Variants in RNF217 observed in about 807,000 individuals in gnomAD.
RNF217 encodes the protein ring finger protein 217, also known as E3 ubiquitin-protein ligase RNF217.
Under a neutral mutation model 57.8 loss-of-function variants are expected in RNF217, and 31 were observed. The observed-to-expected ratio is 0.54, with a 90% CI of 0.40 to 0.72. RNF217 has a LOEUF of 0.72. Ranked by LOEUF, RNF217 falls within the 30% of genes least tolerant of loss-of-function variation. The pLI, the probability that RNF217 is intolerant of heterozygous loss-of-function variation, is 0.00. For synonymous variants in RNF217, 313 were observed against 294.0 expected, an observed-to-expected ratio of 1.06 and a Z score of -0.66; for missense variants, 696 against 708.3, an observed-to-expected ratio of 0.98 and a Z score of 0.20.
rs771377311 is a variant in RNF217, at chr6:124,962,716, G to A, written c.172G>A (p.Asp58Asn). Reference protein sequence around the residue: ...AEPSGGGCGSDWGCADTSAPE... With the variant: ...AEPSGGGCGSNWGCADTSAPE... ...GCCGAGCGGCGGTGGCTGCGGAAGCGACTGGGGCTGCGCGGACACCAGCGC... is the reference window on the plus strand; with the variant it reads ...GCCGAGCGGCGGTGGCTGCGGAAGCAACTGGGGCTGCGCGGACACCAGCGC... The change falls in exon 1 of 6, where the codon GAC (aspartate) becomes AAC (asparagine). Residue 58 changes from aspartate to asparagine, a missense_variant. Coordinates refer to ENST00000521654, the MANE Select transcript of RNF217 (RefSeq NM_001286398.3). This position sits in a 1 kb window ranked among gnomAD's most constrained non-coding sequence, Gnocchi z 4.6. 6.6e-7 allele frequency: 1 copy of A among 1,509,006 alleles called. No individual in the cohort carries two copies. 93.5% of individuals were successfully genotyped at this position (1,509,006 alleles called of 1,614,324 possible).
intron 1 of RNF217, among the ~76,000 whole-genome samples, chr6:125,020,061 G>A (rs904312811): frequency 1.3e-5 from 2 of 152,148 alleles, no homozygotes; most frequent in Admixed American, 1.3e-4. Context: ...ATGCAGTGCT[G>A]CTGGCGTGAG....
intron 1 of RNF217, among the ~76,000 whole-genome samples, chr6:125,020,997 A>T (rs992159649): frequency 6.6e-6 from 1 of 152,190 alleles, no homozygotes; most frequent in Non-Finnish European, 1.5e-5. Context: ...ATGGAACGTA[A>T]ATAAACATGG....
intron 3 of RNF217, among the ~76,000 whole-genome samples, chr6:125,062,346 A>G (rs1330651384): frequency 1.3e-5 from 2 of 152,118 alleles, no homozygotes; most frequent in Admixed American, 6.6e-5. Flanking sequence ...AGAAATCAAA[A>G]TTTTTATTTA....
At chr6:125,009,798 C>G (rs1284188149) in intron 1 of RNF217, among the ~76,000 whole-genome samples, 2 of 152,122 alleles carry the variant, frequency 1.3e-5, no homozygotes, top group African/African-American at 4.8e-5. Flanking sequence ...TCAGCAAAAA[C>G]TATTTATATC....
At chr6:125,014,270 T>C (rs1785524578) in intron 1 of RNF217, among the ~76,000 whole-genome samples, 2 of 152,194 alleles carry the variant, frequency 1.3e-5, no homozygotes, top group Non-Finnish European at 2.9e-5. Context: ...GAAATAGTGA[T>C]AGCAATCACT....
intron 2 of RNF217, among the ~76,000 whole-genome samples, chr6:125,054,408 C>T (rs1787445990): frequency 6.6e-6 from 1 of 152,162 alleles, no homozygotes; most frequent in Admixed American, 6.5e-5. Flanking sequence ...GAATCAGACA[C>T]AAGCTCTGGT....
intron 2 of RNF217, among the ~76,000 whole-genome samples, chr6:125,053,827 T>C (rs1787418450): frequency 6.6e-6 from 1 of 152,158 alleles, no homozygotes; most frequent in Non-Finnish European, 1.5e-5. Flanking sequence ...TTAGCTCTGA[T>C]AACTTTATTC....
At chr6:125,014,869 G>A (rs1337569515) in intron 1 of RNF217, among the ~76,000 whole-genome samples, 1 of 152,070 alleles carries the variant, frequency 6.6e-6, no homozygotes, top group East Asian at 1.9e-4. Flanking sequence ...TCATGCATGT[G>A]CTTGACTGAA....
chr6:124,995,643 C>T (rs895021797), intron 1 of RNF217, among the ~76,000 whole-genome samples: 4 of 152,014 alleles, frequency 2.6e-5, no homozygotes, highest in African/African-American at 9.7e-5. Context: ...ATTTGGAGGG[C>T]GGGTGCTGTG....
chr6:124,965,908 T>C (rs1783520331), intron 1 of RNF217, among the ~76,000 whole-genome samples: 1 of 152,256 alleles, frequency 6.6e-6, no homozygotes, highest in African/African-American at 2.4e-5. Flanking sequence ...ACATTATTTG[T>C]ACAGGTCTGT....
At chr6:125,031,221 A>G (rs1786344222) in intron 1 of RNF217, among the ~76,000 whole-genome samples, 1 of 152,206 alleles carries the variant, frequency 6.6e-6, no homozygotes, top group African/African-American at 2.4e-5. Flanking sequence ...CAGCGCCTCC[A>G]GGCCTGTGAT....
At chr6:124,971,165 C>A (rs1051949535) in intron 1 of RNF217, 1 of 152,288 alleles carries the variant, frequency 6.6e-6, no homozygotes, top group Non-Finnish European at 1.5e-5. Context: ...ATGTTTGGCT[C>A]TAAAACCTAT....
At chr6:125,066,681 A>G (rs182820339) in intron 3 of RNF217, among the ~76,000 whole-genome samples, 217 of 152,224 alleles carry the variant, frequency 1.4e-3, no homozygotes, top group African/African-American at 5.1e-3. Context: ...TCTCCATGGT[A>G]TTATATTACT....
chr6:125,046,733 C>A (rs926942093), intron 2 of RNF217: 1 of 453,754 alleles, frequency 2.2e-6, no homozygotes, highest in Non-Finnish European at 4.4e-6. Context: ...TTGAGGGGAC[C>A]ATGGTTTAGC....
intron 1 of RNF217, among the ~76,000 whole-genome samples, chr6:124,978,621 A>G (rs1299893484): frequency 6.6e-6 from 1 of 152,198 alleles, no homozygotes; most frequent in Non-Finnish European, 1.5e-5. Flanking sequence ...TAGTCTGACA[A>G]GCGGGAGTGT....
In RNF217 at chr6:124,990,431, A is replaced by T. The variant is rs536911240; in HGVS notation, c.882+27005A>T. 3.3e-5 allele frequency among the ~76,000 whole-genome samples: 5 copies of T among 152,292 alleles called. No individual in the cohort carries two copies. The East Asian group carries it at 5.8e-4, about 18-fold the overall frequency. ...ATATCTGCAATTGATTTTATAAGAG[A>T]TATCTCAAATTTGACATCTCAAAAA... On this transcript the variant is annotated intron_variant, in intron 1 of 5. Transcript: ENST00000521654.
At chr6:124,995,921 C>T (rs929522972) in intron 1 of RNF217, among the ~76,000 whole-genome samples, 1 of 150,370 alleles carries the variant, frequency 6.7e-6, no homozygotes, top group African/African-American at 2.4e-5. Flanking sequence ...ACTCTTGTCT[C>T]AAAAAAGAAA....
rs1787587950 is a variant in RNF217 at position 125,058,052 on chromosome 6, G to A, written c.1227G>A (p.Trp409Ter). 1 of 1,613,304 alleles carries A rather than the reference G, an allele frequency of 6.2e-7. No homozygotes were observed. The highest frequency in any genetic ancestry group is 1.3e-5 in the African/African-American group (1 of 74,840). The change falls in exon 3 of 6, where the codon TGG becomes TGA. Residue 409 changes from tryptophan (W) to a stop codon, truncating the protein, a stop_gained. Coordinates refer to ENST00000521654, the MANE Select transcript of RNF217 (RefSeq NM_001286398.3). LOFTEE classifies it high-confidence loss of function. ...YKKGDKLLRH[W>*]ASEIEHGQRN... is the part of the protein sequence containing the mutation. ...AAGGAGACAAATTGTTGCGTCACTGGGCCAGCGAAATTGAGCATGGGCAGA... is the reference window on the plus strand; with the variant it reads ...AAGGAGACAAATTGTTGCGTCACTGAGCCAGCGAAATTGAGCATGGGCAGA...
chr6:125,065,838 A>ACTGTGATAG (rs1260997706), intron 3 of RNF217, among the ~76,000 whole-genome samples: 1 of 152,216 alleles, frequency 6.6e-6, no homozygotes, highest in African/African-American at 2.4e-5. Flanking sequence ...GTCGGTAGGC[A>ACTGTGATAG]AATCGTAAAG....
Sources: gnomAD v4.1 joint callset for allele counts (sites outside exome capture counted in the v4.1 genomes callset) on GRCh38, gnomAD v4.1.1 for gene constraint, Gnocchi (gnomAD v3.1) non-coding constraint, MANE v1.5 for transcripts, NCBI Gene and HGNC (gene_info 2026-07-23, HGNC 2026-07-21) for gene names.